ECH1: variants seen among roughly 807,000 people sequenced by gnomAD.
The protein encoded by ECH1 is enoyl-CoA hydratase 1, also known as delta(3,5)-Delta(2,4)-dienoyl-CoA isomerase, mitochondrial.
Under a neutral mutation model 37.0 loss-of-function variants are expected in ECH1, and 30 were observed. That is an observed-to-expected ratio of 0.81 (90% confidence interval 0.61 to 1.10). The LOEUF (loss-of-function observed/expected upper bound fraction) is 1.10. ECH1 is among the 50% of genes least tolerant of loss of function. The probability of loss-of-function intolerance (pLI) is 0.00; values close to 1 mark genes in which losing one functional copy is unlikely to be tolerated. For synonymous variants in ECH1, 178 were observed against 176.0 expected (o/e 1.01, Z -0.09); for missense variants, 456 against 441.6 (o/e 1.03, Z -0.29).
At chr19:38,816,926 T>C in intron 6 of ECH1, 139 bp downstream of exon 6, 1 of 1,001,692 alleles carries the variant, frequency 1.0e-6, no homozygotes, top group South Asian at 1.5e-5. Flanking sequence ...CAACTTCACC[T>C]CTTGACTTCC....
Position 38,815,514 on chromosome 19 carries a change from C to A in ECH1, c.*99G>T. The stretch of plus-strand genomic sequence containing the variant: ...AAAGTTATAAACTGGGAAACTGGGT[C>A]AGAAGGCATAGAAACAACTGTCATC... On this transcript the variant is annotated 3_prime_UTR_variant, in exon 10 of 10. Coordinates refer to ENST00000221418, the MANE Select transcript of ECH1 (RefSeq NM_001398.3). The A allele has an allele frequency of 8.7e-7, 1 of 1,151,664 alleles. No homozygotes were observed. Among genetic ancestry groups the A allele is most frequent in the South Asian group, 1.3e-5 (1 of 76,976 alleles). The allele number at this position is 1,151,664 out of a possible 1,614,324, so 71.3% of individuals were successfully genotyped here.
At chr19:38,817,386 G>T (rs1382075219) in intron 4 of ECH1, 22 bp from the exon 5 acceptor site, 4 of 1,603,976 alleles carry the variant, frequency 2.5e-6, no homozygotes, top group Non-Finnish European at 3.4e-6. Flanking sequence ...CAGGAAGAGT[G>T]GGGTCAGGGC....
chr19:38,818,113 A>G, intron 3 of ECH1: 1 of 668,244 alleles, frequency 1.5e-6, no homozygotes, highest in Non-Finnish European at 1.8e-6. Flanking sequence ...CCACCTTGGC[A>G]TCCCAAAGCA....
At chr19:38,821,229 G>A (rs577621571) in intron 3 of ECH1, among the ~76,000 whole-genome samples, 2 of 152,288 alleles carry the variant, frequency 1.3e-5, no homozygotes, top group East Asian at 3.9e-4. Flanking sequence ...GAGGGGTTGA[G>A]CTCAGGAGGT....
At chr19:38,816,236 C>G (rs780580416) in intron 8 of ECH1, 48 bp downstream of exon 8, 1 of 1,605,456 alleles carries the variant, frequency 6.2e-7, no homozygotes, top group African/African-American at 1.3e-5. Context: ...CTCCAACCCT[C>G]CAGGCCTGGC....
At position 38,816,527 on chromosome 19, in the gene ECH1, G is replaced by A. The variant is rs1468841983; in HGVS notation, c.589-4C>T. 1 of 1,614,110 alleles carries A rather than the reference G, an allele frequency of 6.2e-7. No individual in the cohort carries two copies. Among genetic ancestry groups the A allele is most frequent in the South Asian group, 1.1e-5 (1 of 91,078 alleles). On this transcript the variant is annotated splice_polypyrimidine_tract_variant and splice_region_variant and intron_variant, in intron 6 of 9. Transcript: ENST00000221418. ...CAGCCAAACCCACGTCCACCTCCTG[G>A]GGGAGGAATCGGGTCAGTGTTTGGT...
chr19:38,816,986 A>T, intron 6 of ECH1, 79 bp downstream of exon 6: 3 of 1,465,416 alleles, frequency 2.0e-6, no homozygotes, highest in Non-Finnish European at 2.8e-6. Flanking sequence ...TCTTCCATGA[A>T]GCCCTCGAGG....
intron 3 of ECH1, among the ~76,000 whole-genome samples, chr19:38,828,076 C>CA (rs1336926954): frequency 2.0e-5 from 3 of 151,870 alleles, no homozygotes; most frequent in African/African-American, 2.4e-5. Flanking sequence ...ACAGAAAAAC[C>CA]AAAAAAACTA....
intron 3 of ECH1, chr19:38,819,192 G>A (rs559745801): frequency 2.0e-6 from 2 of 985,402 alleles, no homozygotes; most frequent in East Asian, 1.1e-4. Flanking sequence ...CTGCCTGAGG[G>A]CTGTGCAGTG....
chr19:38,816,567 G>C (rs575787895), intron 6 of ECH1, 44 bp from the exon 7 acceptor site: 2 of 1,606,530 alleles, frequency 1.2e-6, no homozygotes, highest in Admixed American at 1.7e-5. Context: ...GCCCAATACT[G>C]TGCCCCTCGC....
intron 3 of ECH1, among the ~76,000 whole-genome samples, chr19:38,826,257 A>G (rs553558061): frequency 6.6e-6 from 1 of 152,256 alleles, no homozygotes; most frequent in Non-Finnish European, 1.5e-5. Context: ...TTGTCCCCCT[A>G]CTTGTGGAGG....
chr19:38,819,342 C>G (rs574567916), intron 3 of ECH1: 1 of 588,664 alleles, frequency 1.7e-6, no homozygotes, highest in East Asian at 1.4e-4. Flanking sequence ...TCAGCTATAG[C>G]TCAAAGGTCA....
In ECH1 at chr19:38,818,931, G is replaced by GCGCGCA. The variant is rs777285072; in HGVS notation, c.350-1357_350-1356insTGCGCG. Among the ~76,000 whole-genome samples, 259 of 127,226 alleles carry GCGCGCA rather than the reference G, an allele frequency of 2.0e-3. 2 individuals carry two copies. The highest frequency in any genetic ancestry group is 6.5e-3 in the African/African-American group (242 of 37,098). The allele number at this position is 127,226 out of a possible 152,430, so 83.5% of individuals were successfully genotyped here. On this transcript the variant is annotated intron_variant, in intron 3 of 9. Coordinates refer to ENST00000221418, the MANE Select transcript of ECH1 (RefSeq NM_001398.3). ...TGTGTGTGTGTGTGTGTGTGTGTGT[G>GCGCGCA]TGCACTGTTCCCAACCTGTTACTTT...
At chr19:38,829,791 G>A (rs1323195293) in intron 3 of ECH1, among the ~76,000 whole-genome samples, 1 of 151,666 alleles carries the variant, frequency 6.6e-6, no homozygotes, top group Admixed American at 6.6e-5. Context: ...ACTCCAGCCT[G>A]GGTGACAGAG....
rs1477610190 is a variant in ECH1 at position 38,831,363 on chromosome 19, T to C, written c.206A>G (p.His69Arg). 1 of 1,613,986 alleles carries C rather than the reference T, an allele frequency of 6.2e-7. No homozygotes were observed. The highest frequency in any genetic ancestry group is 8.5e-7 in the Non-Finnish European group (1 of 1,179,964). The stretch of plus-strand genomic sequence containing the variant: ...CTTGTTGGGCCGGTTGAGCTGGACA[T>C]GCAGAACATGTTTCTGCGCAGACGT... The part of the protein sequence containing the change: ...RVTSAQKHVL[H>R]VQLNRPNKRN... Residue 69 changes from histidine (H) to arginine (R), a missense_variant, in exon 2 of 10, where the codon CAT (histidine) becomes CGT (arginine). Transcript: ENST00000221418.
At chr19:38,817,285 C>T (rs2287953) in intron 5 of ECH1, 31 bp downstream of exon 5, 324,801 of 1,530,586 alleles carry the variant, frequency 0.21, 37,860 homozygotes, top group East Asian at 0.57. Context: ...ACCTGGGGAG[C>T]ACCCGAGCAG....
intron 3 of ECH1, among the ~76,000 whole-genome samples, chr19:38,825,981 C>T (rs1971733758): frequency 6.6e-6 from 1 of 152,224 alleles, no homozygotes; most frequent in Admixed American, 6.5e-5. Context: ...AGGAAACTGA[C>T]TTCCTCCTGG....
At chr19:38,829,594 G>A (rs1268266570) in intron 3 of ECH1, among the ~76,000 whole-genome samples, 1 of 152,176 alleles carries the variant, frequency 6.6e-6, no homozygotes, top group African/African-American at 2.4e-5. Flanking sequence ...GAGGCGGGCA[G>A]ATCACGAGGT....
intron 3 of ECH1, among the ~76,000 whole-genome samples, chr19:38,829,935 G>C (rs555005152): frequency 6.6e-6 from 1 of 152,150 alleles, no homozygotes; most frequent in East Asian, 1.9e-4. Flanking sequence ...GTGGGTGGAT[G>C]ACCTGAGGTC....
Sources: gnomAD v4.1 joint callset for allele counts (sites outside exome capture counted in the v4.1 genomes callset) on GRCh38, gnomAD v4.1.1 for gene constraint, MANE v1.5 for transcripts, NCBI Gene and HGNC (gene_info 2026-07-23, HGNC 2026-07-21) for gene names.